The following TMOD3 variants were observed in gnomAD, a reference collection of about 807,000 sequenced individuals.
TMOD3 encodes tropomodulin-3.
Under a neutral mutation model 39.2 loss-of-function variants are expected in TMOD3, and 20 were observed. That is an observed-to-expected ratio of 0.51 (90% CI 0.36 to 0.74). TMOD3 has a LOEUF of 0.74. Ranked by LOEUF, TMOD3 falls within the 30% of genes least tolerant of loss-of-function variation. The probability of loss-of-function intolerance (pLI) is 0.00; values close to 1 mark genes in which losing one functional copy is unlikely to be tolerated. For missense variants in TMOD3, 381 were observed against 412.8 expected (o/e 0.92, Z 0.67); for synonymous variants, 143 against 145.8 (o/e 0.98, Z 0.14).
intron 1 of TMOD3, among the ~76,000 whole-genome samples, chr15:51,830,052 C>T (rs1027309607): frequency 1.1e-4 from 16 of 152,208 alleles, no homozygotes; most frequent in East Asian, 1.9e-4. Context: ...GGGCGTCGCC[C>T]GCCGGTCTAG....
At chr15:51,902,370 T>C (rs1207654402) in intron 9 of TMOD3, among the ~76,000 whole-genome samples, 3 of 152,238 alleles carry the variant, frequency 2.0e-5, no homozygotes, top group African/African-American at 7.2e-5. Context: ...TTTTTTGCCC[T>C]TTTAATCAAG....
rs1305671489 is a variant in TMOD3 at position 51,914,295 on chromosome 15, CA to C, written c.*5489del. ...AGTGAGACTGTCTCAAAAAACAAAA[CA>C]AAACAAAAAAATGGGTTTTTTTGTT... On this transcript the variant is annotated 3_prime_UTR_variant, in exon 10 of 10. Coordinates refer to ENST00000308580, the MANE Select transcript of TMOD3 (RefSeq NM_014547.5). 6.6e-6 allele frequency: 1 copy of C among 151,248 alleles called. No individual in the cohort carries two copies. Among genetic ancestry groups the C allele is most frequent in the African/African-American group, 2.4e-5 (1 of 41,174 alleles). The allele number at this position is 151,248 out of a possible 1,614,324, so 9.4% of individuals were successfully genotyped here.
intron 1 of TMOD3, among the ~76,000 whole-genome samples, chr15:51,837,543 C>G (rs189005359): frequency 6.6e-6 from 1 of 151,956 alleles, no homozygotes; most frequent in African/African-American, 2.4e-5. Flanking sequence ...TCATGCCCAC[C>G]CCACTTTTGT....
intron 3 of TMOD3, among the ~76,000 whole-genome samples, chr15:51,879,682 C>G (rs2056522643): frequency 6.6e-6 from 1 of 151,876 alleles, no homozygotes; most frequent in Non-Finnish European, 1.5e-5. Context: ...GGTTACCAAC[C>G]TAAATGAGTA....
intron 2 of TMOD3, among the ~76,000 whole-genome samples, chr15:51,865,901 A>T (rs769207836): frequency 2.4e-4 from 36 of 150,402 alleles, no homozygotes; most frequent in South Asian, 1.7e-3. Context: ...TGCCAAAAAA[A>T]AAATATATAT....
intron 9 of TMOD3, chr15:51,907,325 T>A (rs1304809541): frequency 6.6e-6 from 1 of 152,094 alleles, no homozygotes; most frequent in Non-Finnish European, 1.5e-5. Flanking sequence ...TGGCAAAAAA[T>A]AAATAAAATA....
chr15:51,855,266 C>A (rs961588866), intron 1 of TMOD3, among the ~76,000 whole-genome samples: 9 of 152,250 alleles, frequency 5.9e-5, no homozygotes, highest in Non-Finnish European at 1.3e-4. Flanking sequence ...TGACCAGCAG[C>A]ATCAGCACCA....
chr15:51,902,643 TA>T (rs199974708), intron 9 of TMOD3, among the ~76,000 whole-genome samples: 19,013 of 89,782 alleles, frequency 0.21, 3,570 homozygotes, highest in East Asian at 0.47. Context: ...CTAATTTTTG[TA>T]TTTTTTTTTT....
In TMOD3 at chr15:51,908,877, G is replaced by C. The variant is rs1282375489; in HGVS notation, c.*67G>C. 2 of 1,410,258 alleles carry C rather than the reference G, an allele frequency of 1.4e-6. No homozygotes were observed. The highest frequency in any genetic ancestry group is 3.0e-5 in the South Asian group (2 of 66,698). The allele number at this position is 1,410,258 out of a possible 1,614,324, so 87.4% of individuals were successfully genotyped here. ...CAAGGGCTCATGTTGGTGACATCAT[G>C]TAAAATTTTCCTGGGTAGAAGGGAA... On this transcript the variant is annotated 3_prime_UTR_variant, in exon 10 of 10. Transcript: ENST00000308580.
chr15:51,829,727 G>A lies in TMOD3; in HGVS notation c.-184G>A, dbSNP rs2056243629. The A allele has an allele frequency of 6.6e-6, 1 of 152,564 alleles. No individual in the cohort carries two copies. Among genetic ancestry groups the A allele is most frequent in the Admixed American group, 6.5e-5 (1 of 15,292 alleles). 9.5% of individuals were successfully genotyped at this position (152,564 alleles called of 1,614,324 possible). On this transcript the variant is annotated 5_prime_UTR_variant, in exon 1 of 10. Coordinates refer to ENST00000308580, the MANE Select transcript of TMOD3 (RefSeq NM_014547.5). ...GGCGGGTGGGTCTGGCAACTCTTTG[G>A]GAGGCCGACGCGGGCGGACCGGCGG...
intron 1 of TMOD3, chr15:51,859,496 T>A (rs1247865367): frequency 1.5e-6 from 1 of 647,654 alleles, no homozygotes. Context: ...TATACACAGC[T>A]CTGGCTTTTT....
At chr15:51,889,707 A>T (rs2056582749) in intron 5 of TMOD3, among the ~76,000 whole-genome samples, 2 of 152,222 alleles carry the variant, frequency 1.3e-5, no homozygotes, top group African/African-American at 2.4e-5. Context: ...TCTCTAAAAA[A>T]TTTTAAAAAT....
intron 1 of TMOD3, among the ~76,000 whole-genome samples, chr15:51,836,723 C>CAAAAAA (rs760890596): frequency 7.7e-6 from 1 of 129,290 alleles, no homozygotes; most frequent in African/African-American, 3.1e-5. Context: ...TGCTCCGTCT[C>CAAAAAA]AAAAAAAAAA....
chr15:51,835,345 C>T (rs2056277116), intron 1 of TMOD3, among the ~76,000 whole-genome samples: 2 of 152,174 alleles, frequency 1.3e-5, no homozygotes, highest in Admixed American at 6.5e-5. Context: ...ATTTGTCACC[C>T]AGTTTGGAGT....
At chr15:51,895,216 C>CTT (rs974778013) in intron 6 of TMOD3, among the ~76,000 whole-genome samples, 22 of 138,138 alleles carry the variant, frequency 1.6e-4, no homozygotes, top group Admixed American at 1.1e-3. Flanking sequence ...TGATTACTAA[C>CTT]TTTTTTTTTT....
intron 3 of TMOD3, among the ~76,000 whole-genome samples, chr15:51,871,352 G>A (rs1023689867): frequency 1.3e-5 from 2 of 152,116 alleles, no homozygotes; most frequent in African/African-American, 4.8e-5. Context: ...CTTTAATCCT[G>A]CTTAAATAGA....
intron 7 of TMOD3, 118 bp downstream of exon 7, chr15:51,896,644 G>A: frequency 2.9e-6 from 2 of 683,926 alleles, no homozygotes; most frequent in Non-Finnish European, 4.9e-6. Flanking sequence ...TCACTATTAG[G>A]CAGTATATTA....
Position 51,896,470 on chromosome 15 carries a change from A to C in TMOD3, c.679A>C (p.Thr227Pro). The stretch of plus-strand genomic sequence containing the variant: ...TTTTGCAAAGGCTTTGGAAACCAAC[A>C]CACATGTGAAATGTTTCAGTCTTGC... ...KDFAKALETN[T>P]HVKCFSLAAT... is the part of the protein sequence containing the mutation. Residue 227 changes from threonine to proline, a missense_variant, in exon 7 of 10, where the codon ACA (threonine) becomes CCA (proline). Thr to Pro is a conservative substitution (Grantham distance 38). Coordinates refer to ENST00000308580, the MANE Select transcript of TMOD3 (RefSeq NM_014547.5). 1 of 1,613,782 alleles carries C rather than the reference A, an allele frequency of 6.2e-7. No individual in the cohort carries two copies. The highest frequency in any genetic ancestry group is 8.5e-7 in the Non-Finnish European group (1 of 1,179,754).
intron 7 of TMOD3, 126 bp from the exon 8 acceptor site, chr15:51,900,028 GT>G (rs2056641461): frequency 2.1e-6 from 2 of 930,864 alleles, no homozygotes; most frequent in Non-Finnish European, 3.2e-6. Flanking sequence ...ATGGGCTACT[GT>G]GTCAAACTGA....
Sources: allele counts gnomAD v4.1 joint callset (sites outside exome capture counted in the v4.1 genomes callset), GRCh38; gene constraint gnomAD v4.1.1; transcripts MANE v1.5; gene names NCBI Gene and HGNC (gene_info 2026-07-23, HGNC 2026-07-21).